Variants in ADK observed in about 807,000 individuals in gnomAD.
ADK encodes N6,N6-dimethyladenosine kinase.
In ADK, 24 loss-of-function variants were observed where a neutral mutation model predicts 44.7. The observed-to-expected ratio is 0.54, with a 90% CI of 0.39 to 0.76. ADK has a LOEUF of 0.76. Ranked by LOEUF, ADK falls within the 30% of genes least tolerant of loss-of-function variation. The probability of loss-of-function intolerance (pLI) is 0.00; values close to 1 mark genes in which losing one functional copy is unlikely to be tolerated. For missense variants in ADK, 321 were observed against 425.1 expected (o/e 0.76, Z 2.15); for synonymous variants, 128 against 142.6 (o/e 0.90, Z 0.73).
At chr10:74,462,615 CA>C (rs1846211440) in intron 6 of ADK, among the ~76,000 whole-genome samples, 1 of 152,118 alleles carries the variant, frequency 6.6e-6, no homozygotes, top group East Asian at 1.9e-4. Flanking sequence ...GTGGAATCAT[CA>C]GCTTCAAAAT....
At chr10:74,616,828 T>C (rs1409581210) in intron 9 of ADK, among the ~76,000 whole-genome samples, 1 of 152,164 alleles carries the variant, frequency 6.6e-6, no homozygotes, top group Non-Finnish European at 1.5e-5. Context: ...CTTATTTCTT[T>C]ACAGTATTTT....
At chr10:74,215,794 C>A (rs1053800220) in intron 2 of ADK, among the ~76,000 whole-genome samples, 7 of 149,816 alleles carry the variant, frequency 4.7e-5, no homozygotes, top group African/African-American at 1.7e-4. Context: ...GCCTCCCAAG[C>A]AGCTGGGACT....
chr10:74,403,471 T>G (rs1418937652), intron 6 of ADK, among the ~76,000 whole-genome samples: 1 of 152,096 alleles, frequency 6.6e-6, no homozygotes, highest in African/African-American at 2.4e-5. Context: ...GCCTCACTGC[T>G]TCCCTGCAGT....
At chr10:74,499,823 C>A (rs2133442734) in intron 6 of ADK, among the ~76,000 whole-genome samples, 1 of 152,304 alleles carries the variant, frequency 6.6e-6, no homozygotes, top group Middle Eastern at 3.4e-3. Flanking sequence ...CCATGTATTT[C>A]TTTTTCTCCC....
chr10:74,292,200 A>AT (rs1412392972), intron 3 of ADK, among the ~76,000 whole-genome samples: 8 of 151,922 alleles, frequency 5.3e-5, no homozygotes, highest in African/African-American at 1.7e-4. Flanking sequence ...TCCTTTACTC[A>AT]TTTTTTTGCA....
chr10:74,338,135 C>CAAA (rs1554844415), intron 4 of ADK, among the ~76,000 whole-genome samples: 2 of 151,750 alleles, frequency 1.3e-5, no homozygotes, highest in Admixed American at 1.3e-4. Flanking sequence ...ACAACAACAA[C>CAAA]AAAAACTTAA....
intron 3 of ADK, among the ~76,000 whole-genome samples, chr10:74,249,421 A>G (rs1241550957): frequency 1.3e-5 from 2 of 152,032 alleles, no homozygotes; most frequent in African/African-American, 2.4e-5. Flanking sequence ...TTCTCTGTAT[A>G]TAGTTTATAT....
intron 4 of ADK, among the ~76,000 whole-genome samples, chr10:74,315,314 T>TTC (rs1163640237): frequency 6.6e-6 from 1 of 152,184 alleles, no homozygotes; most frequent in Non-Finnish European, 1.5e-5. Context: ...TATCTATGTA[T>TTC]AGACATATAT....
intron 1 of ADK, among the ~76,000 whole-genome samples, chr10:74,154,513 C>T (rs899637720): frequency 1.3e-5 from 2 of 152,194 alleles, no homozygotes; most frequent in African/African-American, 2.4e-5. Context: ...AAGCGATCCA[C>T]CTGCCTCAGC....
intron 6 of ADK, among the ~76,000 whole-genome samples, chr10:74,524,568 A>G (rs777803202): frequency 2.6e-5 from 4 of 152,056 alleles, no homozygotes; most frequent in African/African-American, 7.2e-5. Flanking sequence ...AATTTTTGAA[A>G]TTTTTGTAGA....
intron 6 of ADK, among the ~76,000 whole-genome samples, chr10:74,516,369 G>T (rs950023611): frequency 6.6e-6 from 1 of 152,014 alleles, no homozygotes. Flanking sequence ...CATTCTATCA[G>T]TGCACCCCAC....
At chr10:74,355,099 C>G (rs762244082) in intron 4 of ADK, among the ~76,000 whole-genome samples, 1 of 152,154 alleles carries the variant, frequency 6.6e-6, no homozygotes, top group Admixed American at 6.5e-5. Context: ...TGTGCTAGAA[C>G]TACGGGCATG....
chr10:74,652,087 C>G (rs1219462035), intron 9 of ADK, among the ~76,000 whole-genome samples: 1 of 142,502 alleles, frequency 7.0e-6, no homozygotes, highest in African/African-American at 2.7e-5. Flanking sequence ...TAGATCTTGT[C>G]ACTATGCTAG....
intron 6 of ADK, among the ~76,000 whole-genome samples, chr10:74,440,024 G>A (rs1332650447): frequency 2.0e-5 from 3 of 151,806 alleles, no homozygotes; most frequent in African/African-American, 7.3e-5. Context: ...ATTATTTTAA[G>A]TATATAGTAC....
At chr10:74,175,549 A>T (rs1289718729) in intron 1 of ADK, among the ~76,000 whole-genome samples, 1 of 152,180 alleles carries the variant, frequency 6.6e-6, no homozygotes, top group Non-Finnish European at 1.5e-5. Flanking sequence ...GTTGCTTCTG[A>T]TATAACTGAT....
In ADK at chr10:74,262,326, A is replaced by C. The variant is rs1043290147; in HGVS notation, c.194+37735A>C. 5.3e-5 allele frequency among the ~76,000 whole-genome samples: 8 copies of C among 151,614 alleles called. 1 individual carries two copies. Among genetic ancestry groups the C allele is most frequent in the South Asian group, 4.1e-4 (2 of 4,830 alleles). On this transcript the variant is annotated intron_variant, in intron 3 of 10. Transcript: ENST00000539909. ...GAGACTTCATCTCAAAAAAAAAAAA[A>C]AAAACAAAAAAACTCCTCACATATA...
At chr10:74,586,202 G>A (rs959916324) in intron 7 of ADK, among the ~76,000 whole-genome samples, 1 of 152,170 alleles carries the variant, frequency 6.6e-6, no homozygotes, top group Non-Finnish European at 1.5e-5. Flanking sequence ...GCAGTGATAT[G>A]AGCCAGCTGC....
At position 74,159,151 on chromosome 10, in the gene ADK, G is replaced by A. The variant is rs190778253; in HGVS notation, c.65+7808G>A. Among the ~76,000 whole-genome samples, 7 of 152,326 alleles carry A rather than the reference G, an allele frequency of 4.6e-5. No individual in the cohort carries two copies. The East Asian group carries it at 1.4e-3, about 29-fold the overall frequency. Reference sequence around the variant, plus strand: ...TGGTTCATACACTTCAGATCTAGAAGCAATGTGATTAGCCTTTGATATAAG... The same window carrying A: ...TGGTTCATACACTTCAGATCTAGAAACAATGTGATTAGCCTTTGATATAAG... On this transcript the variant is annotated intron_variant, in intron 1 of 10. Transcript: ENST00000539909.
At chr10:74,334,528 C>T (rs946023265) in intron 4 of ADK, among the ~76,000 whole-genome samples, 2 of 152,068 alleles carry the variant, frequency 1.3e-5, no homozygotes, top group African/African-American at 4.8e-5. Context: ...AGTGTTTTTT[C>T]TTTGACTGAG....
Sources: gnomAD v4.1 joint callset for allele counts (sites outside exome capture counted in the v4.1 genomes callset) on GRCh38, gnomAD v4.1.1 for gene constraint, MANE v1.5 for transcripts, NCBI Gene and HGNC (gene_info 2026-07-23, HGNC 2026-07-21) for gene names.